DOCK3: variants seen among roughly 807,000 people sequenced by gnomAD.
DOCK3 encodes dedicator of cytokinesis 3.
A neutral mutation model predicts 265.6 loss-of-function variants in DOCK3; 60 were observed. The ratio of observed to expected loss-of-function variants is 0.23; its 90% CI spans 0.18 to 0.28. The LOEUF is 0.28. DOCK3 is among the 10% of genes least tolerant of loss of function. The pLI, the probability that DOCK3 is intolerant of heterozygous loss-of-function variation, is 1.00. For synonymous variants in DOCK3, 881 were observed against 938.0 expected (o/e 0.94, Z 1.11); for missense variants, 1,981 against 2,594.3 (o/e 0.76, Z 5.14).
At chr3:50,907,157 A>G (rs1012118164) in intron 4 of DOCK3, among the ~76,000 whole-genome samples, 2 of 152,076 alleles carry the variant, frequency 1.3e-5, no homozygotes, top group Non-Finnish European at 2.9e-5. Flanking sequence ...ACATTTCCTG[A>G]GGAGTGCTTT....
At chr3:51,068,560 A>AAAG (rs1553750774) in intron 6 of DOCK3, among the ~76,000 whole-genome samples, 1 of 82,416 alleles carries the variant, frequency 1.2e-5, no homozygotes, top group Non-Finnish European at 2.2e-5. Context: ...AAAAAAAAAA[A>AAAG]AAGAAGAAGA....
intron 37 of DOCK3, among the ~76,000 whole-genome samples, chr3:51,340,078 A>G (rs1560465412): frequency 6.6e-6 from 1 of 152,200 alleles, no homozygotes; most frequent in Non-Finnish European, 1.5e-5. Flanking sequence ...ACTTGCACCC[A>G]TGATCCCAGC....
At chr3:51,314,852 A>G (rs1188327483) in intron 31 of DOCK3, 128 bp from the exon 32 acceptor site, 2 of 1,182,550 alleles carry the variant, frequency 1.7e-6, no homozygotes, top group South Asian at 2.3e-5. Context: ...TCAGAAAACC[A>G]TAGGGGAGAG....
intron 1 of DOCK3, among the ~76,000 whole-genome samples, chr3:50,727,063 G>A (rs2037877796): frequency 6.9e-6 from 1 of 145,416 alleles, no homozygotes; most frequent in African/African-American, 2.9e-5. Flanking sequence ...AAAAAACAGA[G>A]GAGGCACAGA....
intron 5 of DOCK3, among the ~76,000 whole-genome samples, chr3:51,033,478 A>G (rs2080134146): frequency 6.6e-6 from 1 of 152,182 alleles, no homozygotes; most frequent in Admixed American, 6.5e-5. Flanking sequence ...TGATAAAGCC[A>G]TGTTTTATCT....
chr3:51,354,220 A>ACCCCC (rs144722987), intron 40 of DOCK3, among the ~76,000 whole-genome samples: 7 of 129,352 alleles, frequency 5.4e-5, no homozygotes, highest in African/African-American at 1.5e-4. Flanking sequence ...CTTGATCACC[A>ACCCCC]CCCCCCCCCC....
chr3:50,781,257 T>C (rs1013102183), intron 2 of DOCK3, among the ~76,000 whole-genome samples: 1 of 142,620 alleles, frequency 7.0e-6, no homozygotes, highest in Non-Finnish European at 1.5e-5. Flanking sequence ...TGCTAGATCA[T>C]ATAGTAGTTC....
intron 32 of DOCK3, among the ~76,000 whole-genome samples, chr3:51,328,730 G>A (rs1196307555): frequency 6.6e-6 from 1 of 151,974 alleles, no homozygotes; most frequent in Non-Finnish European, 1.5e-5. Flanking sequence ...TTATTTCTTA[G>A]CCTTAGGATT....
chr3:50,872,801 C>G (rs1263895348), intron 3 of DOCK3, among the ~76,000 whole-genome samples: 3 of 152,210 alleles, frequency 2.0e-5, no homozygotes, highest in Admixed American at 6.5e-5. Flanking sequence ...GGCAGAGGAG[C>G]CTCATCCTGT....
chr3:50,786,045 T>C (rs186851669), intron 2 of DOCK3, among the ~76,000 whole-genome samples: 1 of 152,206 alleles, frequency 6.6e-6, no homozygotes, highest in Admixed American at 6.5e-5. Context: ...AAGAGTGTCG[T>C]GTATTTCCAG....
At chr3:50,797,406 C>T (rs773047843) in intron 2 of DOCK3, among the ~76,000 whole-genome samples, 4 of 152,212 alleles carry the variant, frequency 2.6e-5, no homozygotes, top group African/African-American at 7.2e-5. Context: ...GTCTGCCTTG[C>T]TTTGTGCCCT....
intron 22 of DOCK3, among the ~76,000 whole-genome samples, chr3:51,251,276 C>T (rs1285492292): frequency 2.6e-5 from 4 of 152,160 alleles, no homozygotes; most frequent in Non-Finnish European, 4.4e-5. Context: ...CATTGATGGA[C>T]ATTTGGGTTG....
intron 9 of DOCK3, among the ~76,000 whole-genome samples, chr3:51,132,445 G>A (rs1390646157): frequency 6.6e-6 from 1 of 152,166 alleles, no homozygotes; most frequent in Non-Finnish European, 1.5e-5. Flanking sequence ...GTTGGGGTGG[G>A]TTCTGAGGAG....
chr3:51,177,278 A>G (rs1190259403), intron 12 of DOCK3, among the ~76,000 whole-genome samples: 1 of 152,222 alleles, frequency 6.6e-6, no homozygotes, highest in Non-Finnish European at 1.5e-5. Context: ...TGCTAGAGAT[A>G]GATACCATAT....
chr3:50,876,120 G>T (rs1255149719), intron 3 of DOCK3, among the ~76,000 whole-genome samples: 1 of 151,992 alleles, frequency 6.6e-6, no homozygotes, highest in Non-Finnish European at 1.5e-5. Context: ...TGTTCCTCAG[G>T]TTCTGTTGAA....
In DOCK3 at chr3:51,381,121, G is replaced by A. The variant is rs782563816; in HGVS notation, c.5655G>A (p.Leu1885=). 2.2e-5 allele frequency: 35 copies of A among 1,613,886 alleles called. No homozygotes were observed. Among genetic ancestry groups the A allele is most frequent in the South Asian group, 5.5e-5 (5 of 91,080 alleles). ...GTCTGGACGGCAGCAACTCTACGCTGTCCGGCAGTGCCAGCAGCGGCGTGT... is the reference window on the plus strand; with the variant it reads ...GTCTGGACGGCAGCAACTCTACGCTATCCGGCAGTGCCAGCAGCGGCGTGT... ...QSGLDGSNST[L]SGSASSGVSS... The change falls in exon 53 of 53, where the codon CTG becomes CTA. Residue 1885 remains leucine, a synonymous_variant. Coordinates refer to ENST00000266037, the MANE Select transcript of DOCK3 (RefSeq NM_004947.5). This position sits in a 1 kb window ranked among gnomAD's most constrained non-coding sequence, Gnocchi z 5.6.
At chr3:51,323,228 G>T (rs2083860157) in intron 32 of DOCK3, among the ~76,000 whole-genome samples, 1 of 152,092 alleles carries the variant, frequency 6.6e-6, no homozygotes, top group Non-Finnish European at 1.5e-5. Flanking sequence ...GAACTACAAA[G>T]ATACTTAGAC....
At chr3:51,031,812 T>C (rs1325731710) in intron 5 of DOCK3, among the ~76,000 whole-genome samples, 1 of 152,048 alleles carries the variant, frequency 6.6e-6, no homozygotes, top group African/African-American at 2.4e-5. Context: ...AATACCCCTA[T>C]AAAAATGCTG....
At chr3:51,178,613 A>G (rs1054472257) in intron 12 of DOCK3, among the ~76,000 whole-genome samples, 1 of 152,178 alleles carries the variant, frequency 6.6e-6, no homozygotes, top group Non-Finnish European at 1.5e-5. Flanking sequence ...CCAGCTCTTT[A>G]CTGTTCCAGA....
Sources: gnomAD v4.1 joint callset for allele counts (sites outside exome capture counted in the v4.1 genomes callset) on GRCh38, gnomAD v4.1.1 for gene constraint, Gnocchi (gnomAD v3.1) non-coding constraint, MANE v1.5 for transcripts, NCBI Gene and HGNC (gene_info 2026-07-23, HGNC 2026-07-21) for gene names.